The following WDR83 variants were observed in gnomAD, a reference collection of about 807,000 sequenced individuals.
The protein encoded by WDR83 is WD repeat domain 83, also known as WD repeat domain-containing protein 83.
Under a neutral mutation model 37.7 loss-of-function variants are expected in WDR83, and 37 were observed. The ratio of observed to expected loss-of-function variants is 0.98; its 90% CI spans 0.76 to 1.29. WDR83 has a LOEUF of 1.29. Ranked by LOEUF, WDR83 falls within the 50% of genes most tolerant of loss-of-function variation. WDR83 has a pLI of 0.00. For missense variants in WDR83, 445 were observed against 414.4 expected (o/e 1.07, Z -0.64); for synonymous variants, 174 against 181.1 (o/e 0.96, Z 0.31).
At chr19:12,667,121 A>G in intron 1 of WDR83, 129 bp downstream of exon 1, 1 of 235,246 alleles carries the variant, frequency 4.3e-6, no homozygotes. Flanking sequence ...AGCTTGCCTA[A>G]GAGGAGGATC....
intron 2 of WDR83, among the ~76,000 whole-genome samples, chr19:12,668,954 T>C (rs1288671489): frequency 1.3e-5 from 2 of 152,114 alleles, no homozygotes; most frequent in Non-Finnish European, 2.9e-5. Flanking sequence ...ACTCGAATCC[T>C]TGACTTCACC....
rs779090538 is a variant in WDR83, at chr19:12,675,711, C to G, written c.*39C>G. On this transcript the variant is annotated 3_prime_UTR_variant, in exon 11 of 11. Coordinates refer to ENST00000418543, the MANE Select transcript of WDR83 (RefSeq NM_001099737.3). ...ACCAACAGGACCAAGGACCGAGACACAGACATGGAAGGACTTCAGATACCA... is the reference window on the plus strand; with the variant it reads ...ACCAACAGGACCAAGGACCGAGACAGAGACATGGAAGGACTTCAGATACCA... 2.5e-6 allele frequency: 4 copies of G among 1,595,366 alleles called. No homozygotes were observed. Among genetic ancestry groups the G allele is most frequent in the Non-Finnish European group, 3.4e-6 (4 of 1,175,470 alleles).
At position 12,666,850 on chromosome 19, in the gene WDR83, T is replaced by TC. The variant is rs1004518850; in HGVS notation, c.-296dup. 4.1e-6 allele frequency: 3 copies of TC among 738,724 alleles called. No individual in the cohort carries two copies. Among genetic ancestry groups the TC allele is most frequent in the Non-Finnish European group, 6.4e-6 (3 of 466,436 alleles). The allele number at this position is 738,724 out of a possible 1,614,324, so 45.8% of individuals were successfully genotyped here. On this transcript the variant is annotated 5_prime_UTR_variant, in exon 1 of 11. Coordinates refer to ENST00000418543, the MANE Select transcript of WDR83 (RefSeq NM_001099737.3). ...GGAGAGAGGCTGTAGCCCTGGGCAA[T>TC]CCCGGGGGTCGTTACAGGAAGGTAG... is the stretch of plus-strand genomic sequence containing the variant.
chr19:12,669,590 GA>G, intron 2 of WDR83, 164 bp from the exon 3 acceptor site: 3 of 923,760 alleles, frequency 3.2e-6, no homozygotes, highest in Non-Finnish European at 1.6e-6. Flanking sequence ...CTTTCAAAGG[GA>G]AAATGGGGAA....
At chr19:12,670,324 G>T in intron 5 of WDR83, 39 bp downstream of exon 5, 2 of 1,602,594 alleles carry the variant, frequency 1.2e-6, no homozygotes, top group South Asian at 1.1e-5. Context: ...GAGTGGAGGG[G>T]ACCCGTATTA....
In WDR83 at chr19:12,669,744, T is replaced by A. The variant is rs2024354601; in HGVS notation, c.-36-11T>A. ...AGCGTGGGTTTCTAAGGCGCGGAATTTTCCGTACAGACCGATTTAAGGCTG... is the reference window on the plus strand; with the variant it reads ...AGCGTGGGTTTCTAAGGCGCGGAATATTCCGTACAGACCGATTTAAGGCTG... On this transcript the variant is annotated splice_polypyrimidine_tract_variant and intron_variant, in intron 2 of 10. Coordinates refer to ENST00000418543, the MANE Select transcript of WDR83 (RefSeq NM_001099737.3). The A allele has an allele frequency of 6.5e-7, 1 of 1,532,738 alleles. No homozygotes were observed. The highest frequency in any genetic ancestry group is 1.4e-5 in the African/African-American group (1 of 72,148). 94.9% of individuals were successfully genotyped at this position (1,532,738 alleles called of 1,614,324 possible).
chr19:12,670,061 A>G lies in WDR83; in HGVS notation c.188A>G (p.Tyr63Cys). The change falls in exon 4 of 11, where the codon TAC (tyrosine) becomes TGC (cysteine). Residue 63 changes from tyrosine (Y) to cysteine (C), a missense_variant. Tyr to Cys is a radical substitution (Grantham distance 194). Coordinates refer to ENST00000418543, the MANE Select transcript of WDR83 (RefSeq NM_001099737.3). Reference sequence around the variant, plus strand: ...CTTCGGGGGACGCTGCTGCGGACGTACAGCGGCCACGGCTACGAGGTGCTG... The same window carrying G: ...CTTCGGGGGACGCTGCTGCGGACGTGCAGCGGCCACGGCTACGAGGTGCTG... ...NPLRGTLLRT[Y>C]SGHGYEVLDA... 6.2e-7 allele frequency: 1 copy of G among 1,612,870 alleles called. No individual in the cohort carries two copies. Among genetic ancestry groups the G allele is most frequent in the South Asian group, 1.1e-5 (1 of 91,048 alleles).
In WDR83 at chr19:12,675,830, G is replaced by A. The variant is rs752109199; in HGVS notation, c.*158G>A. The A allele has an allele frequency of 4.4e-6, 7 of 1,581,222 alleles. No homozygotes were observed. The highest frequency in any genetic ancestry group is 4.3e-6 in the Non-Finnish European group (5 of 1,162,112). On this transcript the variant is annotated 3_prime_UTR_variant, in exon 11 of 11. Transcript: ENST00000418543. ...GAGGGGGTAAGACCTTCCTGGGACC[G>A]CAGCCGCTCAGTCCTCGTTCTTCTC...
chr19:12,669,550 A>G lies in WDR83; in HGVS notation c.-36-205A>G, dbSNP rs938016692. On this transcript the variant is annotated intron_variant, in intron 2 of 10. Coordinates refer to ENST00000418543, the MANE Select transcript of WDR83 (RefSeq NM_001099737.3). The stretch of plus-strand genomic sequence containing the variant: ...GGCTTGGACTCCCCTTACCCAGAGA[A>G]CGGAGATTTAGGAGAAGCCAGAAGT... 9.4e-6 allele frequency: 10 copies of G among 1,065,016 alleles called. No homozygotes were observed. In the African/African-American group the frequency reaches 1.6e-4, roughly 17 times the overall value. 66.0% of individuals were successfully genotyped at this position (1,065,016 alleles called of 1,614,324 possible).
At chr19:12,674,448 G>C (rs889667649) in intron 10 of WDR83, among the ~76,000 whole-genome samples, 1 of 140,360 alleles carries the variant, frequency 7.1e-6, no homozygotes, top group Non-Finnish European at 1.6e-5. Context: ...GGAGGGAACC[G>C]GGGGGGCCCT....
Position 12,673,186 on chromosome 19 carries a change from T to A in WDR83, c.684-16T>A, listed in dbSNP as rs1258758713. The A allele has an allele frequency of 6.2e-7, 1 of 1,613,712 alleles. No homozygotes were observed. Among genetic ancestry groups the A allele is most frequent in the South Asian group, 1.1e-5 (1 of 91,084 alleles). Reference sequence around the variant, plus strand: ...CCCTGGAGAGGACCAAGCCCCCCGATCCTGTCCACCCTTAGGTACAAGGGC... The same window carrying A: ...CCCTGGAGAGGACCAAGCCCCCCGAACCTGTCCACCCTTAGGTACAAGGGC... On this transcript the variant is annotated splice_polypyrimidine_tract_variant and intron_variant, in intron 9 of 10. Coordinates refer to ENST00000418543, the MANE Select transcript of WDR83 (RefSeq NM_001099737.3).
intron 2 of WDR83, 31 bp from the exon 3 acceptor site, chr19:12,669,724 G>C: frequency 6.8e-7 from 1 of 1,462,512 alleles, no homozygotes; most frequent in South Asian, 1.3e-5. Flanking sequence ...ACCCAAGCGT[G>C]GGTTTCTAAG....
At chr19:12,673,457 G>A (rs563652545) in intron 10 of WDR83, 141 bp downstream of exon 10, 721 of 607,226 alleles carry the variant, frequency 1.2e-3, no homozygotes, top group Non-Finnish European at 1.5e-3. Flanking sequence ...TTGCTCTGTC[G>A]CCCAGGCTAG....
chr19:12,669,461 G>A lies in WDR83; in HGVS notation c.-36-294G>A, dbSNP rs1222269660. 1.2e-5 allele frequency: 19 copies of A among 1,553,780 alleles called. 1 individual carries two copies. The South Asian group carries it at 1.4e-4, about 12-fold the overall frequency. On this transcript the variant is annotated intron_variant, in intron 2 of 10. Coordinates refer to ENST00000418543, the MANE Select transcript of WDR83 (RefSeq NM_001099737.3). The stretch of plus-strand genomic sequence containing the variant: ...CTGCAGGAATCGCAGCTTCCGGCGT[G>A]CAAGCTGAGGGCGGATTTTAGAGTA...
Position 12,672,816 on chromosome 19 carries a change from A to G in WDR83, c.507-31A>G, listed in dbSNP as rs201241615. 823 of 1,558,124 alleles carry G rather than the reference A, an allele frequency of 5.3e-4. 3 individuals carry two copies. Among genetic ancestry groups the G allele is most frequent in the Middle Eastern group, 3.1e-3 (15 of 4,776 alleles). On this transcript the variant is annotated intron_variant, in intron 7 of 10. Transcript: ENST00000418543. ...GCCTGGAGCCATGTGAGTGTAGTCA[A>G]GGTTCCCGCTGGATCTACCCTCTCC...
At position 12,669,790 on chromosome 19, in the gene WDR83, C is replaced by T. The variant is rs758173997; in HGVS notation, c.-1C>T. 6.3e-6 allele frequency: 10 copies of T among 1,599,676 alleles called. No individual in the cohort carries two copies. The East Asian group carries it at 6.7e-5, about 11-fold the overall frequency. On this transcript the variant is annotated 5_prime_UTR_variant, in exon 3 of 11. Coordinates refer to ENST00000418543, the MANE Select transcript of WDR83 (RefSeq NM_001099737.3). Reference sequence around the variant, plus strand: ...GGCTGCAAGGAAGGAGTCCTGGGAGCATGGCTTTCCCTGAGCCAAAGCCGC... The same window carrying T: ...GGCTGCAAGGAAGGAGTCCTGGGAGTATGGCTTTCCCTGAGCCAAAGCCGC...
chr19:12,673,477 G>A (rs2024483295), intron 10 of WDR83, among the ~76,000 whole-genome samples, 161 bp downstream of exon 10: 1 of 149,166 alleles, frequency 6.7e-6, no homozygotes, highest in Non-Finnish European at 1.5e-5. Context: ...GAGTGCAGTG[G>A]CGCAATCTTG....
chr19:12,673,133 G>C lies in WDR83; in HGVS notation c.683+17G>C, dbSNP rs186525351. On this transcript the variant is annotated intron_variant, in intron 9 of 10. Coordinates refer to ENST00000418543, the MANE Select transcript of WDR83 (RefSeq NM_001099737.3). ...GCTGGGCGAGTGAGTCCTTGTGGTC[G>C]TGGGGATCCCCTTCCCTCCTCTCCC... The C allele has an allele frequency of 6.2e-7, 1 of 1,611,930 alleles. No homozygotes were observed. Among genetic ancestry groups the C allele is most frequent in the Non-Finnish European group, 8.5e-7 (1 of 1,178,394 alleles).
rs763697074 is a variant in WDR83 at position 12,670,032 on chromosome 19, C to A, written c.159C>A (p.Asn53Lys). 6.2e-7 allele frequency: 1 copy of A among 1,613,396 alleles called. No individual in the cohort carries two copies. The highest frequency in any genetic ancestry group is 8.5e-7 in the Non-Finnish European group (1 of 1,179,410). The change falls in exon 4 of 11, where the codon AAC (asparagine) becomes AAA (lysine). Residue 53 changes from asparagine to lysine, a missense_variant. Transcript: ENST00000418543. ...GTGACAAGACGCTGAAGCTGTGGAA[C>A]CCGCTTCGGGGGACGCTGCTGCGGA... ...CGSDKTLKLW[N>K]PLRGTLLRTY...
Sources: gnomAD v4.1 joint callset for allele counts (sites outside exome capture counted in the v4.1 genomes callset) on GRCh38, gnomAD v4.1.1 for gene constraint, MANE v1.5 for transcripts, NCBI Gene and HGNC (gene_info 2026-07-23, HGNC 2026-07-21) for gene names.